Variants in LY6S observed in about 807,000 individuals in gnomAD.
LY6S encodes lymphocyte antigen 6 family member S, also known as lymphocyte antigen 6S.
the LY6S span, among the ~76,000 whole-genome samples, chr8:143,073,229 TGGGGTC>T: frequency 1.0e-5 from 1 of 97,118 alleles, no homozygotes; most frequent in African/African-American, 3.9e-5. Context: ...CCGTCATTCT[TGGGGTC>T]CCTGTTTGAG....
the LY6S span, among the ~76,000 whole-genome samples, chr8:143,063,260 C>T: frequency 6.6e-6 from 1 of 152,228 alleles, no homozygotes; most frequent in East Asian, 1.9e-4. Flanking sequence ...GGGGGTCACT[C>T]TTACCCAGAG....
the LY6S span, chr8:143,057,193 C>A: frequency 3.1e-6 from 1 of 325,338 alleles, no homozygotes; most frequent in Admixed American, 3.3e-5. Flanking sequence ...GGTAATATTC[C>A]GGGACTGGCT....
chr8:143,076,150 C>T, the LY6S span, among the ~76,000 whole-genome samples: 2 of 152,176 alleles, frequency 1.3e-5, no homozygotes, highest in East Asian at 1.9e-4. Flanking sequence ...GATTGTGCGC[C>T]GGGGAGACCA....
chr8:143,054,740 G>A, the LY6S span, among the ~76,000 whole-genome samples: 9 of 152,304 alleles, frequency 5.9e-5, no homozygotes, highest in African/African-American at 1.7e-4. Flanking sequence ...TGCGCGAGCC[G>A]CCTCTGAGCA....
the LY6S span, among the ~76,000 whole-genome samples, chr8:143,052,584 A>G: frequency 6.6e-6 from 1 of 152,158 alleles, no homozygotes; most frequent in Non-Finnish European, 1.5e-5. Flanking sequence ...GGTTGGGTGG[A>G]AGCTCTCCCC....
chr8:143,048,951 A>G, the LY6S span, among the ~76,000 whole-genome samples: 1 of 152,124 alleles, frequency 6.6e-6, no homozygotes, highest in African/African-American at 2.4e-5. Flanking sequence ...GGCATCACCA[A>G]TGGCCAACCA....
At chr8:143,061,584 G>T in the LY6S span, among the ~76,000 whole-genome samples, 2 of 152,130 alleles carry the variant, frequency 1.3e-5, no homozygotes, top group Non-Finnish European at 2.9e-5. Context: ...TGCTCCTGTT[G>T]CCCAGACTAG....
At chr8:143,061,195 G>A in the LY6S span, among the ~76,000 whole-genome samples, 3 of 151,856 alleles carry the variant, frequency 2.0e-5, no homozygotes, top group Non-Finnish European at 4.4e-5. Flanking sequence ...AGGGGCTGAG[G>A]TCAGAGGATC....
the LY6S span, among the ~76,000 whole-genome samples, chr8:143,041,204 G>A: frequency 3.9e-5 from 6 of 152,236 alleles, no homozygotes; most frequent in South Asian, 2.1e-4. Context: ...GGAGCACTGC[G>A]GGAGACTGGG....
At chr8:143,049,289 T>C in the LY6S span, 1 of 534,724 alleles carries the variant, frequency 1.9e-6, no homozygotes, top group Admixed American at 1.9e-5. Context: ...TTGGAACACC[T>C]TTCGGCTAGG....
chr8:143,070,487 A>ATTT, the LY6S span, among the ~76,000 whole-genome samples: 6 of 84,070 alleles, frequency 7.1e-5, no homozygotes, highest in East Asian at 4.5e-4. Context: ...ATATATATAT[A>ATTT]TATTTTTTTT....
chr8:143,050,935 G>C, the LY6S span, among the ~76,000 whole-genome samples: 1 of 152,218 alleles, frequency 6.6e-6, no homozygotes, highest in Non-Finnish European at 1.5e-5. Flanking sequence ...TCGGGGAAAG[G>C]CGCTTCACGG....
the LY6S span, chr8:143,053,909 A>G: frequency 1.3e-5 from 2 of 152,206 alleles, no homozygotes; most frequent in South Asian, 2.1e-4. Context: ...TCCTGTCAGC[A>G]CAACTAGGAC....
the LY6S span, among the ~76,000 whole-genome samples, chr8:143,067,364 G>A: frequency 1.3e-5 from 2 of 152,206 alleles, no homozygotes; most frequent in Non-Finnish European, 2.9e-5. Flanking sequence ...GCTGTGCAGG[G>A]TATGCCTTGT....
the LY6S span, among the ~76,000 whole-genome samples, chr8:143,074,169 A>G: frequency 2.0e-5 from 3 of 152,156 alleles, no homozygotes; most frequent in Non-Finnish European, 2.9e-5. Flanking sequence ...TCTTGGGTTA[A>G]TGTCTCTTAC....
chr8:143,073,208 T>C, the LY6S span, among the ~76,000 whole-genome samples: 13 of 126,600 alleles, frequency 1.0e-4, no homozygotes, highest in Non-Finnish European at 6.5e-5. Flanking sequence ...GGTTCCTGTT[T>C]GAGGAGACAG....
At chr8:143,076,271 A>C in the LY6S span, among the ~76,000 whole-genome samples, 8 of 152,330 alleles carry the variant, frequency 5.3e-5, no homozygotes, top group Admixed American at 4.6e-4. Flanking sequence ...ACAGGGAGTG[A>C]GGGGCCAGAG....
chr8:143,070,448 A>ATATATATATATATAATATATATTG, the LY6S span, among the ~76,000 whole-genome samples: 1 of 77,742 alleles, frequency 1.3e-5, no homozygotes, highest in African/African-American at 9.5e-5. Flanking sequence ...TATATATTGT[A>ATATATATATATATAATATATATTG]TATATATATA....
At chr8:143,062,450 G>A in the LY6S span, among the ~76,000 whole-genome samples, 2 of 152,230 alleles carry the variant, frequency 1.3e-5, no homozygotes, top group Non-Finnish European at 2.9e-5. Flanking sequence ...GGTGGATCAT[G>A]AGGTCAGGAG....
Sources: gnomAD v4.1 joint callset for allele counts (sites outside exome capture counted in the v4.1 genomes callset) on GRCh38, gnomAD v4.1.1 for gene constraint, MANE v1.5 for transcripts, NCBI Gene and HGNC (gene_info 2026-07-23, HGNC 2026-07-21) for gene names.